The following CCDC27 variants were observed in gnomAD, a reference collection of about 807,000 sequenced individuals.
CCDC27 encodes the protein coiled-coil domain containing 27.
In CCDC27, 80 loss-of-function variants were observed where a neutral mutation model predicts 80.3. That is an observed-to-expected ratio of 1.00 (90% CI 0.83 to 1.20). CCDC27 has a LOEUF of 1.20. CCDC27 is among the 50% of genes most tolerant of loss of function. The pLI, the probability that CCDC27 is intolerant of heterozygous loss-of-function variation, is 0.00. For synonymous variants in CCDC27, 342 were observed against 334.3 expected (o/e 1.02, Z -0.25); for missense variants, 815 against 809.4 (o/e 1.01, Z -0.08).
chr1:3,763,650 T>C lies in CCDC27; in HGVS notation c.1322-56T>C. On this transcript the variant is annotated intron_variant, in intron 7 of 11. Coordinates refer to ENST00000294600, the MANE Select transcript of CCDC27 (RefSeq NM_152492.3). The surrounding 1 kb of genome is among the most constrained non-coding windows in gnomAD (Gnocchi z 7.5). ...TGCCGCAGTGGCCCGGCCCTCTCCTTCTGTCCCTCACTGCCCCTGCTTGCT... is the reference window on the plus strand; with the variant it reads ...TGCCGCAGTGGCCCGGCCCTCTCCTCCTGTCCCTCACTGCCCCTGCTTGCT... 6.2e-7 allele frequency: 1 copy of C among 1,608,174 alleles called. No homozygotes were observed. Among genetic ancestry groups the C allele is most frequent in the Non-Finnish European group, 8.5e-7 (1 of 1,175,450 alleles).
chr1:3,758,207 T>TAA (rs1643005928), intron 4 of CCDC27, among the ~76,000 whole-genome samples: 2 of 152,200 alleles, frequency 1.3e-5, no homozygotes, highest in Non-Finnish European at 2.9e-5. Flanking sequence ...TTATTTATTT[T>TAA]TGAGACAGAG....
Position 3,756,889 on chromosome 1 carries a change from A to G in CCDC27, c.710A>G (p.Lys237Arg). Residue 237 changes from lysine (K) to arginine (R), a missense_variant and splice_region_variant, in exon 4 of 12, where the codon AAG becomes AGG. Lys to Arg is a conservative substitution (Grantham distance 26). Transcript: ENST00000294600. Reference sequence around the variant, plus strand: ...TGGTACCTCTCAGTCATCCACGAGAAGGTACTGGCGGAGGGGGTGCAAATC... The same window carrying G: ...TGGTACCTCTCAGTCATCCACGAGAGGGTACTGGCGGAGGGGGTGCAAATC... Reference protein sequence around the residue: ...MPWYLSVIHEKDHCLSELEIQ... With the variant: ...MPWYLSVIHERDHCLSELEIQ... 1 of 1,611,330 alleles carries G rather than the reference A, an allele frequency of 6.2e-7. No individual in the cohort carries two copies. Among genetic ancestry groups the G allele is most frequent in the Middle Eastern group, 1.9e-4 (1 of 5,370 alleles).
chr1:3,757,168 A>G (rs1166858272), intron 4 of CCDC27: 3 of 290,144 alleles, frequency 1.0e-5, no homozygotes, highest in Non-Finnish European at 1.3e-5. Context: ...CACCCACAGT[A>G]TCTGCTTCAG....
chr1:3,754,416 G>A (rs984872830), intron 2 of CCDC27, among the ~76,000 whole-genome samples, 175 bp downstream of exon 2: 1 of 152,142 alleles, frequency 6.6e-6, no homozygotes, highest in Non-Finnish European at 1.5e-5. Context: ...CAGCAATGAA[G>A]CTGGGGGTGG....
chr1:3,769,505 G>A lies in CCDC27; in HGVS notation c.1744-278G>A, dbSNP rs2124598616. Reference sequence around the variant, plus strand: ...AAAATATATATATATGTGTGTGTAGGTTTTACTTTCCAATTAGAAAAGCCC... The same window carrying A: ...AAAATATATATATATGTGTGTGTAGATTTTACTTTCCAATTAGAAAAGCCC... On this transcript the variant is annotated intron_variant, in intron 10 of 11. Transcript: ENST00000294600. This position sits in a 1 kb window ranked among gnomAD's most constrained non-coding sequence, Gnocchi z 4.6. 6.6e-6 allele frequency among the ~76,000 whole-genome samples: 1 copy of A among 152,240 alleles called. No individual in the cohort carries two copies. The highest frequency in any genetic ancestry group is 2.1e-4 in the South Asian group (1 of 4,830).
chr1:3,762,590 A>G, intron 5 of CCDC27, 30 bp from the exon 6 acceptor site: 2 of 1,541,854 alleles, frequency 1.3e-6, no homozygotes, highest in Non-Finnish European at 1.8e-6. Flanking sequence ...GAGGGGCTGG[A>G]AAGCTGAGGG....
intron 4 of CCDC27, among the ~76,000 whole-genome samples, chr1:3,759,895 A>G (rs1643047166): frequency 6.6e-6 from 1 of 152,094 alleles, no homozygotes; most frequent in Admixed American, 6.5e-5. Flanking sequence ...CAGGGAGGGG[A>G]TTTACCAGGT....
chr1:3,756,918 G>GCCCCCCAC, intron 4 of CCDC27, 28 bp downstream of exon 4: 1 of 1,598,046 alleles, frequency 6.3e-7, no homozygotes, highest in Non-Finnish European at 8.5e-7. Context: ...GCAAATCCCG[G>GCCCCCCAC]CCCCCCACCC....
chr1:3,761,342 T>C lies in CCDC27; in HGVS notation c.773T>C (p.Leu258Pro). 1.2e-6 allele frequency: 2 copies of C among 1,614,122 alleles called. No individual in the cohort carries two copies. The highest frequency in any genetic ancestry group is 8.5e-7 in the Non-Finnish European group (1 of 1,179,996). ...VQKKDEEILL[L>P]QEEREALKMQ... ...AAGAAAGACGAGGAGATCCTGCTGC[T>C]CCAGGAGGAGAGGGAGGCCCTGAAG... Residue 258 changes from leucine (L) to proline (P), a missense_variant, in exon 5 of 12, where the codon CTC becomes CCC. By Grantham distance (98) the Leu-to-Pro change is moderately conservative (BLOSUM62 -3). Transcript: ENST00000294600. The surrounding 1 kb of genome is among the most constrained non-coding windows in gnomAD (Gnocchi z 5.0).
At position 3,768,354 on chromosome 1, in the gene CCDC27, C is replaced by T. The variant is rs1643283598; in HGVS notation, c.1743+909C>T. On this transcript the variant is annotated intron_variant, in intron 10 of 11. Transcript: ENST00000294600. The surrounding 1 kb of genome is among the most constrained non-coding windows in gnomAD (Gnocchi z 5.6). ...TCCAGCAATCTGCCTGCCTTGGCCT[C>T]CCGAAGTGTTGGGAATACAGGTGTG... Among the ~76,000 whole-genome samples, 1 of 152,102 alleles carries T rather than the reference C, an allele frequency of 6.6e-6. No individual in the cohort carries two copies. Among genetic ancestry groups the T allele is most frequent in the Non-Finnish European group, 1.5e-5 (1 of 68,014 alleles).
intron 9 of CCDC27, among the ~76,000 whole-genome samples, 171 bp from the exon 10 acceptor site, chr1:3,767,062 A>AT (rs1643243433): frequency 1.3e-5 from 2 of 151,962 alleles, no homozygotes; most frequent in Admixed American, 1.3e-4. Flanking sequence ...GCTGGTCTCA[A>AT]TCTCTTAACC....
chr1:3,759,135 T>C (rs1455193701), intron 4 of CCDC27, among the ~76,000 whole-genome samples: 1 of 151,876 alleles, frequency 6.6e-6, no homozygotes, highest in African/African-American at 2.4e-5. Context: ...GAGAATCACT[T>C]GAATCCAGGA....
At chr1:3,753,496 G>C (rs1642875341) in intron 1 of CCDC27, among the ~76,000 whole-genome samples, 2 of 151,756 alleles carry the variant, frequency 1.3e-5, no homozygotes, top group African/African-American at 2.4e-5. Context: ...AATTTTATTT[G>C]TTTGTTTGTT....
chr1:3,763,086 C>T lies in CCDC27; in HGVS notation c.955-22C>T. ...GGGGTGCCCCGCAGCCCTGCCCAGCCCCTGCCCTACCCATCTTACAGATGC... is the reference window on the plus strand; with the variant it reads ...GGGGTGCCCCGCAGCCCTGCCCAGCTCCTGCCCTACCCATCTTACAGATGC... On this transcript the variant is annotated intron_variant, in intron 6 of 11. Transcript: ENST00000294600. The surrounding 1 kb of genome is among the most constrained non-coding windows in gnomAD (Gnocchi z 7.5). 1 of 1,462,334 alleles carries T rather than the reference C, an allele frequency of 6.8e-7. No homozygotes were observed. Among genetic ancestry groups the T allele is most frequent in the Admixed American group, 2.7e-5 (1 of 36,376 alleles). 90.6% of individuals were successfully genotyped at this position (1,462,334 alleles called of 1,614,324 possible).
rs1013214798 is a variant in CCDC27, at chr1:3,754,368, C to T, written c.442+127C>T. 6 of 1,253,282 alleles carry T rather than the reference C, an allele frequency of 4.8e-6. No individual in the cohort carries two copies. In the African/African-American group the frequency reaches 9.4e-5, roughly 20 times the overall value. 77.6% of individuals were successfully genotyped at this position (1,253,282 alleles called of 1,614,324 possible). On this transcript the variant is annotated intron_variant, in intron 2 of 11. Transcript: ENST00000294600. ...TTGGCCTCCACAGTGGCCCCAGCTG[C>T]TGCTTTTGAAATCCGCTCTGTGCTC...
At position 3,760,150 on chromosome 1, in the gene CCDC27, G is replaced by A. The variant is rs186034541; in HGVS notation, c.712-1131G>A. Reference sequence around the variant, plus strand: ...AGCAGTCCTTGCACTATTTTGAGACGTGCAAGTGTCTCGGGACCATGGCTT... The same window carrying A: ...AGCAGTCCTTGCACTATTTTGAGACATGCAAGTGTCTCGGGACCATGGCTT... On this transcript the variant is annotated intron_variant, in intron 4 of 11. Coordinates refer to ENST00000294600, the MANE Select transcript of CCDC27 (RefSeq NM_152492.3). This position sits in a 1 kb window ranked among gnomAD's most constrained non-coding sequence, Gnocchi z 4.3. 5.3e-5 allele frequency among the ~76,000 whole-genome samples: 8 copies of A among 152,302 alleles called. No homozygotes were observed. In the East Asian group the frequency reaches 1.2e-3, roughly 22 times the overall value.
chr1:3,770,491 C>T (rs1419300320), intron 11 of CCDC27, among the ~76,000 whole-genome samples: 1 of 152,214 alleles, frequency 6.6e-6, no homozygotes, highest in African/African-American at 2.4e-5. Context: ...TGATGGACAG[C>T]GCATGCTCAC....
chr1:3,769,806 C>T lies in CCDC27; in HGVS notation c.1767C>T (p.Ile589=). The T allele has an allele frequency of 6.2e-7, 1 of 1,613,978 alleles. No individual in the cohort carries two copies. The highest frequency in any genetic ancestry group is 8.5e-7 in the Non-Finnish European group (1 of 1,179,890). Residue 589 remains isoleucine, a synonymous_variant, in exon 11 of 12, where the codon ATC becomes ATT. Coordinates refer to ENST00000294600, the MANE Select transcript of CCDC27 (RefSeq NM_152492.3). The surrounding 1 kb of genome is among the most constrained non-coding windows in gnomAD (Gnocchi z 4.6). ...QSRLERLRNK[I]IQATFSISGT... is the part of the protein sequence containing the mutation. ...AGCTCGAGAGGTTAAGGAATAAGAT[C>T]ATCCAGGCCACCTTTAGCATCTCCG...
At chr1:3,758,136 T>C (rs1041328098) in intron 4 of CCDC27, among the ~76,000 whole-genome samples, 5 of 152,294 alleles carry the variant, frequency 3.3e-5, no homozygotes, top group African/African-American at 1.2e-4. Flanking sequence ...AATTTGCCAT[T>C]GAAGGCTTCT....
Sources: allele counts gnomAD v4.1 joint callset (sites outside exome capture counted in the v4.1 genomes callset), GRCh38; gene constraint gnomAD v4.1.1; non-coding constraint Gnocchi (gnomAD v3.1); transcripts MANE v1.5; gene names NCBI Gene and HGNC (gene_info 2026-07-23, HGNC 2026-07-21).